Variants in DLG2 observed in about 807,000 individuals in gnomAD.
DLG2 encodes the protein disks large homolog 2.
DLG2 carries 45 observed loss-of-function variants against 132.5 expected under a neutral mutation model. The ratio of observed to expected loss-of-function variants is 0.34; its 90% CI spans 0.27 to 0.44. The LOEUF (loss-of-function observed/expected upper bound fraction) is 0.44, where lower values mean the gene tolerates loss of function less well. Ranked by LOEUF, DLG2 falls within the 20% of genes least tolerant of loss-of-function variation. The probability of loss-of-function intolerance (pLI) is 1.00; values close to 1 mark genes in which losing one functional copy is unlikely to be tolerated. For missense variants in DLG2, 1,045 were observed against 1,196.9 expected (o/e 0.87, Z 1.87); for synonymous variants, 424 against 419.6 (o/e 1.01, Z -0.13).
chr11:84,912,476 T>C (rs1263779214), intron 6 of DLG2, among the ~76,000 whole-genome samples: 1 of 152,240 alleles, frequency 6.6e-6, no homozygotes, highest in African/African-American at 2.4e-5. Flanking sequence ...TATTTTAACA[T>C]CTTCTGAATG....
At chr11:83,789,052 C>T (rs1036179094) in intron 17 of DLG2, among the ~76,000 whole-genome samples, 4 of 152,034 alleles carry the variant, frequency 2.6e-5, no homozygotes, top group Non-Finnish European at 5.9e-5. Context: ...ACAGATGAAA[C>T]GAAGGCAACA....
chr11:85,482,931 A>G (rs925149764), intron 3 of DLG2, among the ~76,000 whole-genome samples: 6 of 152,196 alleles, frequency 3.9e-5, no homozygotes, highest in African/African-American at 1.4e-4. Context: ...AATATTTGAT[A>G]TATATCTGCT....
At chr11:84,773,292 C>T (rs1191856997) in intron 6 of DLG2, among the ~76,000 whole-genome samples, 2 of 152,086 alleles carry the variant, frequency 1.3e-5, no homozygotes, top group African/African-American at 4.8e-5. Flanking sequence ...TAATACAATC[C>T]TACCAACCAG....
chr11:85,492,891 G>A (rs2093593718), intron 3 of DLG2, among the ~76,000 whole-genome samples: 1 of 151,894 alleles, frequency 6.6e-6, no homozygotes, highest in Non-Finnish European at 1.5e-5. Context: ...AAAATAAGTT[G>A]CCTTTACATG....
At chr11:84,522,737 AC>A (rs1055054265) in intron 7 of DLG2, among the ~76,000 whole-genome samples, 18 of 152,198 alleles carry the variant, frequency 1.2e-4, no homozygotes, top group Non-Finnish European at 2.9e-5. Flanking sequence ...ATACCAATAG[AC>A]GCATTTAAAA....
intron 6 of DLG2, among the ~76,000 whole-genome samples, chr11:85,107,429 T>A (rs748589791): frequency 6.6e-6 from 1 of 152,076 alleles, no homozygotes; most frequent in Non-Finnish European, 1.5e-5. Flanking sequence ...ATTAAATCCA[T>A]GCATGGGCCA....
rs142019802 is a variant in DLG2 at position 83,545,375 on chromosome 11, T to C, written c.1941-3517A>G. On this transcript the variant is annotated intron_variant, in intron 19 of 27. Transcript: ENST00000376104. ...ATGTAAGATATTATTATAATAACTGTTATTCTGAAAAATATATTAGAATTT... is the reference window on the plus strand; with the variant it reads ...ATGTAAGATATTATTATAATAACTGCTATTCTGAAAAATATATTAGAATTT... Among the ~76,000 whole-genome samples, 77 of 152,276 alleles carry C rather than the reference T, an allele frequency of 5.1e-4. No individual in the cohort carries two copies. In the East Asian group the frequency reaches 0.014, roughly 27 times the overall value.
intron 4 of DLG2, among the ~76,000 whole-genome samples, chr11:85,163,844 C>A (rs1217538554): frequency 6.6e-6 from 1 of 152,158 alleles, no homozygotes; most frequent in Non-Finnish European, 1.5e-5. Context: ...CTCCTACATT[C>A]TTTGGCTGAG....
intron 3 of DLG2, among the ~76,000 whole-genome samples, chr11:85,472,578 G>A (rs377692849): frequency 1.1e-4 from 17 of 152,120 alleles, no homozygotes; most frequent in South Asian, 6.2e-4. Context: ...GATTCCAGGC[G>A]TGAGCCACCA....
chr11:83,639,689 A>C (rs563740368), intron 18 of DLG2, among the ~76,000 whole-genome samples: 192 of 151,934 alleles, frequency 1.3e-3, no homozygotes, highest in Admixed American at 1.6e-3. Context: ...GCACACCAAC[A>C]TGGCACATGT....
intron 3 of DLG2, among the ~76,000 whole-genome samples, chr11:85,331,691 G>T (rs1596305999): frequency 6.6e-6 from 1 of 152,084 alleles, no homozygotes; most frequent in African/African-American, 2.4e-5. Flanking sequence ...TTAAAGTTTA[G>T]CTCTGCATAT....
chr11:84,726,675 T>C (rs1565793797), intron 6 of DLG2, among the ~76,000 whole-genome samples: 1 of 152,176 alleles, frequency 6.6e-6, no homozygotes, highest in African/African-American at 2.4e-5. Flanking sequence ...TCTAGATCCT[T>C]GAGGAATTGC....
At chr11:83,735,138 G>A (rs1401523507) in intron 18 of DLG2, among the ~76,000 whole-genome samples, 2 of 152,050 alleles carry the variant, frequency 1.3e-5, no homozygotes, top group Admixed American at 6.6e-5. Context: ...CGATTAGAGA[G>A]GGTTAGGATG....
chr11:85,509,905 T>A (rs2094018907), intron 3 of DLG2: 1 of 152,006 alleles, frequency 6.6e-6, no homozygotes, highest in African/African-American at 2.4e-5. Flanking sequence ...AAGAAATGAT[T>A]GTGCTGAGAT....
At chr11:84,393,810 A>G (rs1465569280) in intron 7 of DLG2, among the ~76,000 whole-genome samples, 6 of 152,082 alleles carry the variant, frequency 3.9e-5, no homozygotes, top group African/African-American at 9.7e-5. Flanking sequence ...AACTTAGTCA[A>G]TTTTACTCTC....
intron 6 of DLG2, among the ~76,000 whole-genome samples, chr11:84,641,540 C>T (rs2099665141): frequency 6.6e-6 from 1 of 152,104 alleles, no homozygotes; most frequent in South Asian, 2.1e-4. Flanking sequence ...GAGTCAGCAA[C>T]TCTGGGGTGC....
chr11:84,128,679 G>A lies in DLG2; in HGVS notation c.625-29632C>T, dbSNP rs938677092. 2.0e-5 allele frequency among the ~76,000 whole-genome samples: 3 copies of A among 151,880 alleles called. 1 individual carries two copies. Among genetic ancestry groups the A allele is most frequent in the Non-Finnish European group, 2.9e-5 (2 of 67,954 alleles). On this transcript the variant is annotated intron_variant, in intron 9 of 27. Coordinates refer to ENST00000376104, the MANE Select transcript of DLG2 (RefSeq NM_001142699.3). The stretch of plus-strand genomic sequence containing the variant: ...CCCCAACCCCCCTTAGTTACATCAT[G>A]GTATAAAAAGTTTTAGTCTTCAGCT...
chr11:84,991,381 C>T (rs1423678017), intron 6 of DLG2, among the ~76,000 whole-genome samples: 1 of 151,596 alleles, frequency 6.6e-6, no homozygotes, highest in Non-Finnish European at 1.5e-5. Context: ...GGGTGGCACT[C>T]GCCTCTTGTC....
At chr11:85,591,459 G>A (rs898480915) in intron 3 of DLG2, among the ~76,000 whole-genome samples, 7 of 152,102 alleles carry the variant, frequency 4.6e-5, no homozygotes, top group Admixed American at 2.6e-4. Context: ...GAAAGCTGTC[G>A]ACCAGGTGTG....
Sources: allele counts gnomAD v4.1 joint callset (sites outside exome capture counted in the v4.1 genomes callset), GRCh38; gene constraint gnomAD v4.1.1; transcripts MANE v1.5; gene names NCBI Gene and HGNC (gene_info 2026-07-23, HGNC 2026-07-21).